Variants in LSM12 observed in about 807,000 individuals in gnomAD.
LSM12 encodes the protein protein LSM12.
For missense variants in LSM12, 108 were observed against 238.9 expected (o/e 0.45, Z 3.61); for synonymous variants, 74 against 87.3 (o/e 0.85, Z 0.85).
At chr17:44,060,033 C>T (rs994555267) in intron 2 of LSM12, among the ~76,000 whole-genome samples, 3 of 152,170 alleles carry the variant, frequency 2.0e-5, no homozygotes, top group South Asian at 2.1e-4. Flanking sequence ...GACATGGTGG[C>T]GGGCGCCTGT....
In LSM12 at chr17:44,059,744, AAGCCCTTCTCTTCCAT is replaced by A. The variant is rs376177168; in HGVS notation, c.258+4041_258+4056del. Among the ~76,000 whole-genome samples, 874 of 152,312 alleles carry A rather than the reference AAGCCCTTCTCTTCCAT, an allele frequency of 5.7e-3. 9 individuals carry two copies. The highest frequency in any genetic ancestry group is 0.02 in the African/African-American group (818 of 41,574). On this transcript the variant is annotated intron_variant, in intron 2 of 4. Coordinates refer to ENST00000293406, the MANE Select transcript of LSM12 (RefSeq NM_001371445.1). ...AGCTATTATTAAGTATTTCCTGTAT[AAGCCCTTCTCTTCCAT>A]TTCCTGCTAGGTCAGAGTCAACAAA...
intron 2 of LSM12, among the ~76,000 whole-genome samples, chr17:44,045,936 C>CT (rs67446547): frequency 0.87 from 107,018 of 122,496 alleles, 47,305 homozygotes; most frequent in East Asian, 0.98. Flanking sequence ...AAATATTTTA[C>CT]TTTTTTTTTT....
chr17:44,048,446 C>T (rs142996675), intron 2 of LSM12, among the ~76,000 whole-genome samples: 4 of 147,636 alleles, frequency 2.7e-5, no homozygotes, highest in Non-Finnish European at 5.9e-5. Context: ...TGCACCACTG[C>T]ACTCTAGCCT....
At chr17:44,065,074 A>G (rs1401799394) in intron 1 of LSM12, among the ~76,000 whole-genome samples, 1 of 151,810 alleles carries the variant, frequency 6.6e-6, no homozygotes, top group African/African-American at 2.4e-5. Context: ...CGGAAGTTGC[A>G]GTAAGCCGAA....
intron 2 of LSM12, among the ~76,000 whole-genome samples, chr17:44,048,371 A>C (rs2049599103): frequency 6.6e-6 from 1 of 151,336 alleles, no homozygotes; most frequent in African/African-American, 2.4e-5. Flanking sequence ...AGTCCCATCT[A>C]CTTGGGAGGC....
intron 2 of LSM12, among the ~76,000 whole-genome samples, chr17:44,056,754 T>C (rs2049719707): frequency 1.3e-5 from 2 of 152,070 alleles, no homozygotes; most frequent in South Asian, 2.1e-4. Flanking sequence ...TCCCAGCACT[T>C]TGGGAGGCCG....
intron 2 of LSM12, among the ~76,000 whole-genome samples, chr17:44,056,725 CA>C (rs1477362396): frequency 1.3e-5 from 2 of 151,648 alleles, no homozygotes; most frequent in African/African-American, 4.9e-5. Flanking sequence ...CAGCCTGGTA[CA>C]GTGGCTCACA....
intron 2 of LSM12, among the ~76,000 whole-genome samples, chr17:44,061,136 G>A (rs531849512): frequency 7.2e-5 from 11 of 152,082 alleles, no homozygotes; most frequent in African/African-American, 1.7e-4. Flanking sequence ...TGACCAACAC[G>A]GAGAAACCCC....
chr17:44,040,358 T>A (rs2049472042), intron 2 of LSM12, 102 bp from the exon 3 acceptor site: 1 of 804,380 alleles, frequency 1.2e-6, no homozygotes, highest in South Asian at 1.5e-5. Flanking sequence ...AAGACTTGTT[T>A]GGACAGATTC....
At chr17:44,041,815 G>A in intron 2 of LSM12, among the ~76,000 whole-genome samples, 1 of 152,174 alleles carries the variant, frequency 6.6e-6, no homozygotes, top group Non-Finnish European at 1.5e-5. Flanking sequence ...AAACAAATGT[G>A]CTAGACAAGG....
At position 44,034,501 on chromosome 17, in the gene LSM12, T is replaced by A. The variant is rs1405655035; in HGVS notation, c.*1707A>T. On this transcript the variant is annotated 3_prime_UTR_variant, in exon 5 of 5. Coordinates refer to ENST00000293406, the MANE Select transcript of LSM12 (RefSeq NM_001371445.1). Reference sequence around the variant, plus strand: ...TTATACCCTGCATTATATTTCTGGATGAGTCCTCGGGGGTGAAAAGAGAGG... The same window carrying A: ...TTATACCCTGCATTATATTTCTGGAAGAGTCCTCGGGGGTGAAAAGAGAGG... 1 of 152,382 alleles carries A rather than the reference T, an allele frequency of 6.6e-6. No homozygotes were observed. The highest frequency in any genetic ancestry group is 1.5e-5 in the Non-Finnish European group (1 of 68,044). 9.4% of individuals were successfully genotyped at this position (152,382 alleles called of 1,614,324 possible).
intron 2 of LSM12, among the ~76,000 whole-genome samples, chr17:44,051,938 T>C (rs2049649940): frequency 6.6e-6 from 1 of 151,950 alleles, no homozygotes; most frequent in African/African-American, 2.4e-5. Flanking sequence ...TGAAACCCCA[T>C]CTCTACTAAA....
At chr17:44,038,244 C>T (rs959100751) in intron 3 of LSM12, among the ~76,000 whole-genome samples, 1 of 151,638 alleles carries the variant, frequency 6.6e-6, no homozygotes, top group South Asian at 2.1e-4. Flanking sequence ...GTCCCAGTTA[C>T]TCCGGGGGCT....
At chr17:44,046,759 CTTTTTTTTTTT>C (rs35839029) in intron 2 of LSM12, among the ~76,000 whole-genome samples, 6 of 68,362 alleles carry the variant, frequency 8.8e-5, no homozygotes, top group African/African-American at 3.3e-4. Context: ...TTTTTTTTTT[CTTTTTTTTTTT>C]TTTTTGCTGG....
intron 2 of LSM12, among the ~76,000 whole-genome samples, chr17:44,043,486 A>G (rs1444678873): frequency 6.6e-6 from 1 of 152,142 alleles, no homozygotes; most frequent in Non-Finnish European, 1.5e-5. Context: ...GATGTATTTT[A>G]AGCAGCAACA....
rs886711251 is a variant in LSM12, at chr17:44,059,616, T to C, written c.258+4185A>G. On this transcript the variant is annotated intron_variant, in intron 2 of 4. Transcript: ENST00000293406. ...TCTCAAGCTTCCTCTTACATGCTAC[T>C]GCTGGAGATAGAAATAAGACTTCTT... Among the ~76,000 whole-genome samples the C allele has an allele frequency of 3.3e-5, 5 of 152,322 alleles. 1 individual carries two copies. The highest frequency in any genetic ancestry group is 1.2e-4 in the African/African-American group (5 of 41,576).
intron 2 of LSM12, among the ~76,000 whole-genome samples, chr17:44,059,324 C>T (rs958247306): frequency 7.9e-5 from 12 of 152,142 alleles, no homozygotes; most frequent in Admixed American, 2.0e-4. Flanking sequence ...TGCAGTGGCT[C>T]ACGCCTATAA....
At chr17:44,046,563 C>T (rs530530396) in intron 2 of LSM12, among the ~76,000 whole-genome samples, 4 of 150,592 alleles carry the variant, frequency 2.7e-5, no homozygotes, top group South Asian at 4.2e-4. Flanking sequence ...AAAAATCAGC[C>T]GGGGATGGTG....
intron 2 of LSM12, among the ~76,000 whole-genome samples, chr17:44,046,747 CTTTTTTTTTTTCTT>C (rs2049573474): frequency 3.6e-5 from 4 of 112,492 alleles, no homozygotes; most frequent in African/African-American, 1.3e-4. Context: ...AAACTGTTTT[CTTTTTTTTTTTCTT>C]TTTTTTTTTT....
Sources: allele counts gnomAD v4.1 joint callset (sites outside exome capture counted in the v4.1 genomes callset), GRCh38; gene constraint gnomAD v4.1.1; transcripts MANE v1.5; gene names NCBI Gene and HGNC (gene_info 2026-07-23, HGNC 2026-07-21).